Variants in TLE1 observed in about 807,000 individuals in gnomAD.
TLE1 encodes transducin-like enhancer protein 1.
In TLE1, 21 loss-of-function variants were observed where a neutral mutation model predicts 89.8. That is an observed-to-expected ratio of 0.23 (90% confidence interval 0.17 to 0.34). TLE1 has a LOEUF of 0.34. TLE1 is among the 10% of genes least tolerant of loss of function. TLE1 has a pLI of 1.00. For missense variants in TLE1, 795 were observed against 1,031.2 expected, an observed-to-expected ratio of 0.77 and a Z score of 3.14; for synonymous variants, 447 against 407.6, an observed-to-expected ratio of 1.10 and a Z score of -1.16.
At chr9:81,654,498 T>A (rs1370599999) in intron 4 of TLE1, among the ~76,000 whole-genome samples, 1 of 151,816 alleles carries the variant, frequency 6.6e-6, no homozygotes, top group African/African-American at 2.4e-5. Context: ...CCGCCACCAC[T>A]CCCGGCTAAT....
At position 81,687,277 on chromosome 9, in the gene TLE1, G is replaced by A. The variant is rs958259039; in HGVS notation, c.125+57C>T. 1.4e-5 allele frequency: 21 copies of A among 1,464,512 alleles called. No individual in the cohort carries two copies. The African/African-American group carries it at 2.5e-4, about 17-fold the overall frequency. 90.7% of individuals were successfully genotyped at this position (1,464,512 alleles called of 1,614,324 possible). ...TACAGGCGCCGCCGCCACCCGGCTG[G>A]GTGCAAGGGGCACCGGGACGCCCGC... On this transcript the variant is annotated intron_variant, in intron 2 of 19. Transcript: ENST00000376499.
intron 4 of TLE1, among the ~76,000 whole-genome samples, chr9:81,662,322 T>C (rs933836781): frequency 2.0e-5 from 3 of 150,762 alleles, no homozygotes; most frequent in Non-Finnish European, 4.4e-5. Context: ...ATTCACTAGA[T>C]GATGCAGGAG....
intron 4 of TLE1, among the ~76,000 whole-genome samples, chr9:81,659,846 G>A (rs1479323924): frequency 6.6e-6 from 1 of 152,116 alleles, no homozygotes; most frequent in Non-Finnish European, 1.5e-5. Context: ...CGAGTGAGCT[G>A]ATGAGCTGGT....
intron 4 of TLE1, among the ~76,000 whole-genome samples, chr9:81,670,780 A>G (rs779565418): frequency 3.9e-5 from 6 of 152,170 alleles, no homozygotes; most frequent in Non-Finnish European, 7.3e-5. Flanking sequence ...ATAAAATAAT[A>G]ACCCAAACAA....
chr9:81,687,254 C>T (rs1225994408), intron 2 of TLE1, 80 bp downstream of exon 2: 5 of 1,212,948 alleles, frequency 4.1e-6, no homozygotes, highest in African/African-American at 3.0e-5. Context: ...GAACTAAGTA[C>T]AGGCGCCGCC....
chr9:81,609,333 C>T (rs1823408318), intron 14 of TLE1, among the ~76,000 whole-genome samples: 1 of 152,170 alleles, frequency 6.6e-6, no homozygotes, highest in Non-Finnish European at 1.5e-5. Context: ...GATCCACCCG[C>T]CTCAGCCTCC....
At chr9:81,657,392 C>A (rs1830268093) in intron 4 of TLE1, among the ~76,000 whole-genome samples, 1 of 152,186 alleles carries the variant, frequency 6.6e-6, no homozygotes, top group African/African-American at 2.4e-5. Context: ...TCTTACTTTT[C>A]TTCTAGTGTG....
chr9:81,632,623 G>A (rs538886796), intron 8 of TLE1, among the ~76,000 whole-genome samples: 23 of 152,202 alleles, frequency 1.5e-4, no homozygotes, highest in African/African-American at 5.1e-4. Context: ...CACACTTTAA[G>A]TACAGGTCTC....
intron 16 of TLE1, among the ~76,000 whole-genome samples, 168 bp from the exon 17 acceptor site, chr9:81,587,996 G>C (rs1828838708): frequency 6.6e-6 from 1 of 150,464 alleles, no homozygotes; most frequent in Non-Finnish European, 1.5e-5. Flanking sequence ...CTTCCCCTGA[G>C]GAGGAGGGGA....
intron 6 of TLE1, among the ~76,000 whole-genome samples, chr9:81,634,506 A>T (rs1827129331): frequency 6.6e-6 from 1 of 152,176 alleles, no homozygotes; most frequent in Non-Finnish European, 1.5e-5. Context: ...CTTTCAGTTC[A>T]TCAAAAGCTT....
At chr9:81,634,567 T>C (rs758349843) in intron 6 of TLE1, among the ~76,000 whole-genome samples, 3 of 152,206 alleles carry the variant, frequency 2.0e-5, no homozygotes, top group African/African-American at 4.8e-5. Context: ...TCCTCACATC[T>C]ACACTGTCAC....
In TLE1 at chr9:81,685,882, C is replaced by T. The variant is rs1220893779; in HGVS notation, c.140G>A (p.Cys47Tyr). 8 of 1,613,476 alleles carry T rather than the reference C, an allele frequency of 5.0e-6. No homozygotes were observed. The highest frequency in any genetic ancestry group is 6.8e-6 in the Non-Finnish European group (8 of 1,180,008). ...TGTCTTTTCACTTGCCAGTTTCTCACATTCCAATTTAAGGCTAGGAAAACA... is the reference window on the plus strand; with the variant it reads ...TGTCTTTTCACTTGCCAGTTTCTCATATTCCAATTTAAGGCTAGGAAAACA... ...QAQYHSLKLE[C>Y]EKLASEKTEM... is the part of the protein sequence containing the mutation. Residue 47 changes from cysteine (C) to tyrosine (Y), a missense_variant, in exon 3 of 20, where the codon TGT (cysteine) becomes TAT (tyrosine). Cys to Tyr is a radical substitution (Grantham distance 194). Coordinates refer to ENST00000376499, the MANE Select transcript of TLE1 (RefSeq NM_005077.5).
At chr9:81,638,704 A>C (rs1827717939) in intron 6 of TLE1, among the ~76,000 whole-genome samples, 1 of 151,702 alleles carries the variant, frequency 6.6e-6, no homozygotes, top group South Asian at 2.1e-4. Flanking sequence ...GGCTCACTAC[A>C]ATCTCCTCCT....
chr9:81,607,536 G>A (rs1831853252), intron 14 of TLE1, among the ~76,000 whole-genome samples: 1 of 152,134 alleles, frequency 6.6e-6, no homozygotes, highest in Non-Finnish European at 1.5e-5. Flanking sequence ...TTTTCCCTAA[G>A]GATCAGCTGA....
chr9:81,660,085 T>C (rs537779577), intron 4 of TLE1, among the ~76,000 whole-genome samples: 5 of 152,310 alleles, frequency 3.3e-5, no homozygotes, highest in Admixed American at 1.3e-4. Context: ...TACAGTTTCT[T>C]AACAGCTTTC....
chr9:81,640,332 T>C (rs897006255), intron 6 of TLE1, among the ~76,000 whole-genome samples: 7 of 152,074 alleles, frequency 4.6e-5, no homozygotes, highest in African/African-American at 1.7e-4. Context: ...CTGAGTACCC[T>C]GTCACAACAC....
intron 12 of TLE1, chr9:81,612,299 A>T: frequency 9.3e-7 from 1 of 1,072,972 alleles, no homozygotes. Flanking sequence ...TACCTGACTT[A>T]ATCTCAAAAG....
chr9:81,631,426 G>T (rs187542633), intron 8 of TLE1, among the ~76,000 whole-genome samples: 105 of 152,332 alleles, frequency 6.9e-4, no homozygotes, highest in African/African-American at 2.4e-3. Context: ...ATACCACGTG[G>T]TATCACTTCC....
At chr9:81,633,128 G>C (rs1023030275) in intron 8 of TLE1, among the ~76,000 whole-genome samples, 1 of 152,102 alleles carries the variant, frequency 6.6e-6, no homozygotes, top group African/African-American at 2.4e-5. Flanking sequence ...CTTGTCTGAT[G>C]CAAGTTTTGT....
Sources: allele counts gnomAD v4.1 joint callset (sites outside exome capture counted in the v4.1 genomes callset), GRCh38; gene constraint gnomAD v4.1.1; transcripts MANE v1.5; gene names NCBI Gene and HGNC (gene_info 2026-07-23, HGNC 2026-07-21).